The following NLGN4X variants were observed in gnomAD, a reference collection of about 807,000 sequenced individuals.
The protein encoded by NLGN4X is neuroligin-4, X-linked.
In NLGN4X, 3 loss-of-function variants were observed where a neutral mutation model predicts 40.3. The ratio of observed to expected loss-of-function variants is 0.07; its 90% CI spans 0.03 to 0.19. The LOEUF (loss-of-function observed/expected upper bound fraction) is 0.19. NLGN4X is among the 10% of genes least tolerant of loss of function. The probability of loss-of-function intolerance (pLI) is 1.00; values close to 1 mark genes in which losing one functional copy is unlikely to be tolerated. For synonymous variants in NLGN4X, 270 were observed against 306.8 expected (o/e 0.88, Z 1.25); for missense variants, 382 against 708.3 (o/e 0.54, Z 5.23).
chrX:5,931,551 A>C (rs564624183), intron 3 of NLGN4X, among the ~76,000 whole-genome samples: 1 of 112,162 alleles, frequency 8.9e-6, no homozygotes, highest in South Asian at 3.7e-4. Context: ...TTCAGTCCAA[A>C]GTCCAGGGGC....
intron 1 of NLGN4X, among the ~76,000 whole-genome samples, chrX:6,177,495 T>C (rs759344114): frequency 7.1e-5 from 8 of 112,132 alleles, no homozygotes; most frequent in Non-Finnish European, 1.5e-4. Context: ...AAAAGCATTA[T>C]AGTATATCTT....
intron 1 of NLGN4X, among the ~76,000 whole-genome samples, chrX:6,170,139 T>G (rs938920267): frequency 9.0e-6 from 1 of 110,683 alleles, no homozygotes. Context: ...CCTGAATAGC[T>G]GGGAACACAG....
At chrX:6,091,602 G>T (rs1185197838) in intron 2 of NLGN4X, among the ~76,000 whole-genome samples, 4 of 111,265 alleles carry the variant, frequency 3.6e-5, no homozygotes, top group Admixed American at 1.9e-4. Context: ...TAAAAAAAAA[G>T]CCATTACCAT....
intron 3 of NLGN4X, among the ~76,000 whole-genome samples, chrX:5,968,878 A>G (rs1252236110): frequency 9.1e-6 from 1 of 110,046 alleles, no homozygotes; most frequent in Non-Finnish European, 1.9e-5. Context: ...TCAATTCAAC[A>G]CTGACATTTA....
At chrX:5,986,606 T>TAAA (rs1569170131) in intron 3 of NLGN4X, among the ~76,000 whole-genome samples, 25 of 111,686 alleles carry the variant, frequency 2.2e-4, no homozygotes, top group African/African-American at 8.1e-4. Flanking sequence ...AATAAATCAT[T>TAAA]AAAAACATGG....
rs2040161092 is a variant in NLGN4X, at chrX:6,151,301, G to A, written c.166C>T (p.Arg56Trp). ...PVVNTNYGKI[R>W]GLRTPLPNEI... is the part of the protein sequence containing the mutation. ...TTGGGTAACGGTGTTCTTAGGCCCCGGATTTTGCCATAATTTGTGTTGACA... is the reference window on the plus strand; with the variant it reads ...TTGGGTAACGGTGTTCTTAGGCCCCAGATTTTGCCATAATTTGTGTTGACA... Residue 56 changes from arginine (R) to tryptophan (W), a missense_variant, in exon 2 of 6, where the codon CGG becomes TGG. Physicochemically the swap from Arg to Trp is moderately radical, Grantham distance 101. Around this residue, in one of 5 missense-constraint regions of NLGN4X, gnomAD observed 115 missense variants for 149.6 expected, o/e 0.77. Transcript: ENST00000381095. 2.5e-6 allele frequency: 3 copies of A among 1,211,802 alleles called. No homozygotes were observed. Among genetic ancestry groups the A allele is most frequent in the Non-Finnish European group, 3.4e-6 (3 of 895,522 alleles).
intron 3 of NLGN4X, among the ~76,000 whole-genome samples, chrX:5,970,431 G>T (rs1435083005): frequency 8.9e-6 from 1 of 111,866 alleles, no homozygotes; most frequent in Non-Finnish European, 1.9e-5. Flanking sequence ...CTAGCTTTCT[G>T]CAAGGCCTTT....
chrX:5,923,682 C>T (rs2033161575), intron 3 of NLGN4X, among the ~76,000 whole-genome samples: 1 of 111,644 alleles, frequency 9.0e-6, no homozygotes, highest in South Asian at 3.8e-4. Context: ...GAAGGGCCTG[C>T]CCCCATGATT....
chrX:5,975,797 C>T (rs781224340), intron 3 of NLGN4X, among the ~76,000 whole-genome samples: 1 of 110,531 alleles, frequency 9.0e-6, no homozygotes, highest in East Asian at 2.8e-4. Context: ...AATTGCTTGA[C>T]AAGAGATAAT....
At chrX:5,913,945 C>T (rs2032642448) in intron 3 of NLGN4X, among the ~76,000 whole-genome samples, 1 of 111,907 alleles carries the variant, frequency 8.9e-6, no homozygotes, top group Admixed American at 9.5e-5. Flanking sequence ...CTCTTGCCTG[C>T]CACCATGTAA....
chrX:6,202,193 T>C (rs1470298960), intron 1 of NLGN4X, among the ~76,000 whole-genome samples: 2 of 110,611 alleles, frequency 1.8e-5, no homozygotes, highest in Non-Finnish European at 3.8e-5. Context: ...ACTGAGGGGA[T>C]GCCACCTGCT....
intron 3 of NLGN4X, among the ~76,000 whole-genome samples, chrX:5,911,498 A>C (rs1484241986): frequency 8.9e-6 from 1 of 112,237 alleles, no homozygotes; most frequent in Non-Finnish European, 1.9e-5. Flanking sequence ...ATTCTTCCAA[A>C]TATCCTACAG....
At chrX:5,917,352 T>C (rs2032851432) in intron 3 of NLGN4X, among the ~76,000 whole-genome samples, 1 of 112,691 alleles carries the variant, frequency 8.9e-6, no homozygotes, top group African/African-American at 3.2e-5. Flanking sequence ...TTTCCAAAAG[T>C]GTCCTGTGTG....
intron 2 of NLGN4X, among the ~76,000 whole-genome samples, chrX:6,142,614 T>C (rs1362408521): frequency 8.9e-6 from 1 of 112,423 alleles, no homozygotes; most frequent in Non-Finnish European, 1.9e-5. Flanking sequence ...TTTTCGTTTT[T>C]CACCTATATT....
chrX:5,903,035 A>G, intron 5 of NLGN4X, 42 bp downstream of exon 5: 1 of 1,202,686 alleles, frequency 8.3e-7, no homozygotes, highest in Non-Finnish European at 1.1e-6. Flanking sequence ...GACACAAACA[A>G]GTGGCAAGGA....
intron 2 of NLGN4X, among the ~76,000 whole-genome samples, chrX:6,124,869 C>T (rs760158350): frequency 8.9e-6 from 1 of 112,158 alleles, no homozygotes; most frequent in Non-Finnish European, 1.9e-5. Flanking sequence ...AAGCACACAC[C>T]GAACGTTTAC....
At chrX:6,208,435 G>A (rs1450190796) in intron 1 of NLGN4X, among the ~76,000 whole-genome samples, 3 of 112,041 alleles carry the variant, frequency 2.7e-5, no homozygotes, top group Non-Finnish European at 3.8e-5. Context: ...ATGTCAATCC[G>A]ATTCTCATTA....
chrX:6,164,086 G>C (rs2147752623), intron 1 of NLGN4X, among the ~76,000 whole-genome samples: 1 of 112,678 alleles, frequency 8.9e-6, no homozygotes, highest in South Asian at 3.7e-4. Context: ...ATTCTCATAG[G>C]CTTCACGATG....
chrX:5,928,870 G>C (rs1424647076), intron 3 of NLGN4X, among the ~76,000 whole-genome samples: 2 of 107,697 alleles, frequency 1.9e-5, no homozygotes, highest in African/African-American at 6.8e-5. Context: ...TTTTTTTAGA[G>C]ATGGTATCTT....
Sources: allele counts gnomAD v4.1 joint callset (sites outside exome capture counted in the v4.1 genomes callset), GRCh38; gene constraint gnomAD v4.1.1; regional missense constraint gnomAD v4.1.1; transcripts MANE v1.5; gene names NCBI Gene and HGNC (gene_info 2026-07-23, HGNC 2026-07-21).